Variants in COL23A1 observed in about 807,000 individuals in gnomAD.
The protein encoded by COL23A1 is collagen alpha-1(XXIII) chain.
In COL23A1, 97 loss-of-function variants were observed where a neutral mutation model predicts 99.3. That is an observed-to-expected ratio of 0.98 (90% CI 0.83 to 1.16). The LOEUF (loss-of-function observed/expected upper bound fraction) is 1.16. Among genes scored for constraint, COL23A1 ranks in the 50% most tolerant of loss-of-function variants. COL23A1 has a pLI of 0.00. For missense variants in COL23A1, 762 were observed against 757.4 expected (o/e 1.01, Z -0.07); for synonymous variants, 320 against 308.2 (o/e 1.04, Z -0.40).
intron 2 of COL23A1, among the ~76,000 whole-genome samples, chr5:178,314,533 C>T (rs978676975): frequency 6.6e-6 from 1 of 152,072 alleles, no homozygotes; most frequent in African/African-American, 2.4e-5. Flanking sequence ...TGGTAGGTGT[C>T]CCCAGTGTCA....
chr5:178,248,433 G>A (rs943209411), intron 19 of COL23A1, among the ~76,000 whole-genome samples, 179 bp from the exon 20 acceptor site: 1 of 152,180 alleles, frequency 6.6e-6, no homozygotes, highest in Non-Finnish European at 1.5e-5. Flanking sequence ...TGGGCAGTGT[G>A]GGCTTTAGAA....
chr5:178,546,581 C>T (rs921692797), intron 2 of COL23A1, among the ~76,000 whole-genome samples: 3 of 152,170 alleles, frequency 2.0e-5, no homozygotes, highest in Non-Finnish European at 2.9e-5. Flanking sequence ...GCTGCGGTGA[C>T]GCGCCACTAA....
chr5:178,531,552 G>T (rs917222311), intron 2 of COL23A1, among the ~76,000 whole-genome samples: 3 of 152,178 alleles, frequency 2.0e-5, no homozygotes, highest in African/African-American at 7.2e-5. Context: ...TCCGCCTCTG[G>T]AATTATCATC....
At chr5:178,454,951 C>T (rs1435712990) in intron 2 of COL23A1, among the ~76,000 whole-genome samples, 1 of 152,238 alleles carries the variant, frequency 6.6e-6, no homozygotes, top group African/African-American at 2.4e-5. Context: ...GCTCCATCCC[C>T]TTCCCGGCCT....
chr5:178,266,667 C>A (rs1162098439), intron 8 of COL23A1, among the ~76,000 whole-genome samples: 1 of 152,184 alleles, frequency 6.6e-6, no homozygotes, highest in Non-Finnish European at 1.5e-5. Context: ...ATGTGGCTGG[C>A]ACAGAGCAGC....
At chr5:178,514,675 T>C (rs1171224569) in intron 2 of COL23A1, among the ~76,000 whole-genome samples, 1 of 152,078 alleles carries the variant, frequency 6.6e-6, no homozygotes, top group Admixed American at 6.5e-5. Context: ...GCCCCGACAA[T>C]GCACAAAGGG....
intron 2 of COL23A1, among the ~76,000 whole-genome samples, chr5:178,473,783 G>A (rs888244659): frequency 2.0e-5 from 3 of 152,082 alleles, no homozygotes; most frequent in Non-Finnish European, 2.9e-5. Context: ...GGCCTCTCAT[G>A]AACGCTGACA....
intron 2 of COL23A1, among the ~76,000 whole-genome samples, chr5:178,470,830 C>T (rs1562000775): frequency 1.3e-5 from 2 of 152,230 alleles, no homozygotes; most frequent in African/African-American, 4.8e-5. Flanking sequence ...ACTGAGCGGC[C>T]GTTCATGCTG....
At chr5:178,392,472 C>A (rs548873527) in intron 2 of COL23A1, among the ~76,000 whole-genome samples, 49 of 152,290 alleles carry the variant, frequency 3.2e-4, no homozygotes, top group African/African-American at 1.2e-3. Context: ...AACAGGGCTG[C>A]ACAGAAGGCC....
At chr5:178,540,586 C>T (rs939056851) in intron 2 of COL23A1, among the ~76,000 whole-genome samples, 1 of 152,220 alleles carries the variant, frequency 6.6e-6, no homozygotes, top group East Asian at 1.9e-4. Flanking sequence ...AAAGATGTCA[C>T]TCTGTCTAAA....
At chr5:178,261,010 A>AGT (rs59333102) in intron 11 of COL23A1, among the ~76,000 whole-genome samples, 29,750 of 151,918 alleles carry the variant, frequency 0.2, 3,198 homozygotes, top group Middle Eastern at 0.28. Context: ...CTGTCCACAC[A>AGT]GGTGGGTCAT....
intron 2 of COL23A1, among the ~76,000 whole-genome samples, chr5:178,472,334 A>T (rs546475249): frequency 6.6e-6 from 1 of 152,126 alleles, no homozygotes; most frequent in African/African-American, 2.4e-5. Flanking sequence ...TTTTGTCCCA[A>T]TGGGGAGTCA....
In COL23A1 at chr5:178,560,525, C is replaced by T. The variant is rs909284428; in HGVS notation, c.361+157G>A. On this transcript the variant is annotated intron_variant, in intron 2 of 28. Transcript: ENST00000390654. Reference sequence around the variant, plus strand: ...ACTTTGCTGGAAACCGACCAGAGAGCCTGCCAGGGTCAATGTGGGAAAGAA... The same window carrying T: ...ACTTTGCTGGAAACCGACCAGAGAGTCTGCCAGGGTCAATGTGGGAAAGAA... Among the ~76,000 whole-genome samples, 4 of 152,284 alleles carry T rather than the reference C, an allele frequency of 2.6e-5. No individual in the cohort carries two copies. In the South Asian group the frequency reaches 8.3e-4, roughly 32 times the overall value.
intron 25 of COL23A1, 100 bp from the exon 26 acceptor site, chr5:178,242,494 T>TC: frequency 4.1e-6 from 5 of 1,206,470 alleles, no homozygotes; most frequent in Non-Finnish European, 6.0e-6. Context: ...ACGCCCACTT[T>TC]CCCCCCTGCA....
In COL23A1 at chr5:178,423,366, G is replaced by A. The variant is rs554132022; in HGVS notation, c.362-116447C>T. Among the ~76,000 whole-genome samples, 82 of 152,216 alleles carry A rather than the reference G, an allele frequency of 5.4e-4. 2 individuals carry two copies. The South Asian group carries it at 0.016, about 30-fold the overall frequency. On this transcript the variant is annotated intron_variant, in intron 2 of 28. Transcript: ENST00000390654. ...GGTAATCCTGGCAGCAGGAGGACCC[G>A]CAGCTCCCCGTCAGCCATGTGATCA... is the stretch of plus-strand genomic sequence containing the variant.
Position 178,518,683 on chromosome 5 carries a change from C to T in COL23A1, c.361+41999G>A, listed in dbSNP as rs915921632. Among the ~76,000 whole-genome samples, 16 of 142,414 alleles carry T rather than the reference C, an allele frequency of 1.1e-4. No homozygotes were observed. In the East Asian group the frequency reaches 3.2e-3, roughly 28 times the overall value. 93.4% of individuals were successfully genotyped at this position (142,414 alleles called of 152,430 possible). A position where few individuals can be genotyped will look rare whatever the true frequency, so the allele number is the denominator to read the frequency against. ...GGATGGCGGCCGGGCGGAGACGCTC[C>T]TCACATCCCAGACGATGGGCGGCCA... On this transcript the variant is annotated intron_variant, in intron 2 of 28. Transcript: ENST00000390654.
At chr5:178,528,620 G>A (rs1324454722) in intron 2 of COL23A1, among the ~76,000 whole-genome samples, 1 of 152,236 alleles carries the variant, frequency 6.6e-6, no homozygotes, top group Non-Finnish European at 1.5e-5. Context: ...AGACCAGCCT[G>A]ACCAACATGG....
chr5:178,452,986 A>C (rs1331625342), intron 2 of COL23A1, among the ~76,000 whole-genome samples: 4 of 152,206 alleles, frequency 2.6e-5, no homozygotes, highest in Admixed American at 1.3e-4. Flanking sequence ...CTGTGATGGC[A>C]AAAGAGTGGA....
At chr5:178,265,669 G>A (rs1046517222) in intron 8 of COL23A1, 6 of 985,784 alleles carry the variant, frequency 6.1e-6, no homozygotes, top group Non-Finnish European at 6.0e-6. Context: ...AGGATCCGGC[G>A]ATTGTACAGG....
Sources: gnomAD v4.1 joint callset for allele counts (sites outside exome capture counted in the v4.1 genomes callset) on GRCh38, gnomAD v4.1.1 for gene constraint, MANE v1.5 for transcripts, NCBI Gene and HGNC (gene_info 2026-07-23, HGNC 2026-07-21) for gene names.